UBR4: variants seen among roughly 807,000 people sequenced by gnomAD.
UBR4 encodes ubiquitin protein ligase E3 component n-recognin 4, also known as E3 ubiquitin-protein ligase UBR4.
In UBR4, 124 loss-of-function variants were observed where a neutral mutation model predicts 575.6. The ratio of observed to expected loss-of-function variants is 0.22; its 90% CI spans 0.19 to 0.25. The LOEUF is 0.25. Ranked by LOEUF, UBR4 falls within the 10% of genes least tolerant of loss-of-function variation. UBR4 has a pLI of 1.00. For missense variants in UBR4, 4,818 were observed against 6,478.8 expected (o/e 0.74, Z 8.80); for synonymous variants, 2,455 against 2,473.7 (o/e 0.99, Z 0.22).
chr1:19,185,189 T>C lies in UBR4; in HGVS notation c.1848A>G (p.Pro616=), dbSNP rs2091399382. 6.2e-7 allele frequency: 1 copy of C among 1,613,842 alleles called. No homozygotes were observed. The highest frequency in any genetic ancestry group is 1.3e-5 in the African/African-American group (1 of 74,854). The change falls in exon 15 of 106, where the codon CCA becomes CCG. Residue 616 remains proline (P), a synonymous_variant. Coordinates refer to ENST00000375254, the MANE Select transcript of UBR4 (RefSeq NM_020765.3). ...TTTTAACCCGAGGAGAGCTTTCCAG[T>C]GGAGGAGGTGGGGGAGGAGGCGGAG... is the stretch of plus-strand genomic sequence containing the variant. ...AAPPPPPPPP[P]LESSPRVKSP... is the part of the protein sequence containing the mutation.
intron 7 of UBR4, among the ~76,000 whole-genome samples, 174 bp from the exon 8 acceptor site, chr1:19,197,439 G>A (rs1037525357): frequency 2.0e-5 from 3 of 152,116 alleles, no homozygotes; most frequent in Non-Finnish European, 4.4e-5. Context: ...GACCAGCCTG[G>A]GCAACAAGGC....
At chr1:19,127,483 G>T in intron 63 of UBR4, 140 bp downstream of exon 63, 1 of 698,414 alleles carries the variant, frequency 1.4e-6, no homozygotes. Context: ...CTCTTGAAAA[G>T]GTGACAGCTT....
At chr1:19,168,000 C>T (rs774474896) in intron 28 of UBR4, 27 bp downstream of exon 28, 102 of 1,588,712 alleles carry the variant, frequency 6.4e-5, no homozygotes, top group Admixed American at 1.9e-4. Flanking sequence ...GACATAGAGT[C>T]CTTGGGGCTA....
In UBR4 at chr1:19,084,488, G is replaced by T. The variant is rs1259650629; in HGVS notation, c.15008+16C>A. 3 of 1,584,460 alleles carry T rather than the reference G, an allele frequency of 1.9e-6. No homozygotes were observed. The African/African-American group carries it at 4.0e-5, about 21-fold the overall frequency. ...TGGGTCTGCGAGATGCCGCCCCTGGGACACAGGGTACTGACGTGTTCAGGA... is the reference window on the plus strand; with the variant it reads ...TGGGTCTGCGAGATGCCGCCCCTGGTACACAGGGTACTGACGTGTTCAGGA... On this transcript the variant is annotated intron_variant, in intron 102 of 105. Transcript: ENST00000375254.
chr1:19,104,496 AAG>A, intron 86 of UBR4, 87 bp downstream of exon 86: 1 of 1,423,758 alleles, frequency 7.0e-7, no homozygotes, highest in South Asian at 1.2e-5. Context: ...TACCAGAGAG[AAG>A]AGAGTCAACC....
At chr1:19,179,601 T>A (rs1448258542) in intron 17 of UBR4, among the ~76,000 whole-genome samples, 2 of 152,200 alleles carry the variant, frequency 1.3e-5, no homozygotes, top group Admixed American at 6.5e-5. Flanking sequence ...TTTTCTTTAA[T>A]AATCAGTTAC....
chr1:19,092,962 G>C (rs2077670674), intron 96 of UBR4, 44 bp from the exon 97 acceptor site: 1 of 1,565,500 alleles, frequency 6.4e-7, no homozygotes, highest in Admixed American at 1.8e-5. Context: ...GGGAAGCAAA[G>C]GCTACCTAGA....
chr1:19,159,311 G>C (rs1425471285), intron 39 of UBR4, among the ~76,000 whole-genome samples: 2 of 152,272 alleles, frequency 1.3e-5, no homozygotes, highest in East Asian at 3.9e-4. Context: ...TGAGCAGCAG[G>C]TTTTAAAGTG....
chr1:19,115,989 G>C (rs1027598202), intron 73 of UBR4, among the ~76,000 whole-genome samples: 2 of 152,174 alleles, frequency 1.3e-5, no homozygotes, highest in Non-Finnish European at 2.9e-5. Context: ...TTCCCATCCT[G>C]ACAGCAACCT....
intron 49 of UBR4, 99 bp downstream of exon 49, chr1:19,150,478 T>G: frequency 2.0e-4 from 269 of 1,354,088 alleles, no homozygotes; most frequent in Non-Finnish European, 2.5e-4. Flanking sequence ...AGGCTAGCCT[T>G]GAGATGGTTA....
intron 71 of UBR4, chr1:19,118,652 T>G: frequency 1.7e-6 from 1 of 573,646 alleles, no homozygotes; most frequent in Non-Finnish European, 3.1e-6. Flanking sequence ...CAGACCTTTC[T>G]ACATTACTAC....
At chr1:19,204,533 A>ATATATATAT (rs200363179) in intron 1 of UBR4, among the ~76,000 whole-genome samples, 51 of 150,772 alleles carry the variant, frequency 3.4e-4, no homozygotes, top group South Asian at 1.5e-3. Context: ...TATATAAAAA[A>ATATATATAT]AAATATATAT....
chr1:19,204,230 C>T (rs775856342), intron 1 of UBR4, among the ~76,000 whole-genome samples: 1 of 152,064 alleles, frequency 6.6e-6, no homozygotes, highest in Non-Finnish European at 1.5e-5. Context: ...TCTCAAACTC[C>T]TGACCTCGTG....
Position 19,143,236 on chromosome 1 carries a change from C to CAGGAAGGAAGGA in UBR4, c.8179+732_8179+743dup, listed in dbSNP as rs1176780647. ...AAAGAAAGGAAGGAAGGAAGGAAGG[C>CAGGAAGGAAGGA]AGGAAGGAAGGAAGGAAGGAAGGAA... On this transcript the variant is annotated intron_variant, in intron 55 of 105. Transcript: ENST00000375254. Among the ~76,000 whole-genome samples, 32 of 83,066 alleles carry CAGGAAGGAAGGA rather than the reference C, an allele frequency of 3.9e-4. 2 individuals carry two copies. The highest frequency in any genetic ancestry group is 1.2e-3 in the African/African-American group (28 of 23,098). The allele number at this position is 83,066 out of a possible 152,430, so 54.5% of individuals were successfully genotyped here.
Position 19,076,916 on chromosome 1 carries a change from C to A in UBR4, c.15325-14G>T. 4 of 1,538,730 alleles carry A rather than the reference C, an allele frequency of 2.6e-6. No homozygotes were observed. Among genetic ancestry groups the A allele is most frequent in the Non-Finnish European group, 3.5e-6 (4 of 1,145,634 alleles). On this transcript the variant is annotated splice_polypyrimidine_tract_variant and intron_variant, in intron 104 of 105. Transcript: ENST00000375254. ...GGTAGGCACCTTCTACGAGAATCAA[C>A]AGGAGACAAGAGAGGTGGGTGACTT...
chr1:19,128,074 T>C, intron 62 of UBR4, 137 bp downstream of exon 62: 1 of 848,074 alleles, frequency 1.2e-6, no homozygotes, highest in Non-Finnish European at 1.9e-6. Flanking sequence ...TACGCTTTTG[T>C]TGACTCAACA....
Position 19,187,154 on chromosome 1 carries a change from TC to T in UBR4, c.1632+9del. 1 of 1,602,582 alleles carries T rather than the reference TC, an allele frequency of 6.2e-7. No individual in the cohort carries two copies. The highest frequency in any genetic ancestry group is 8.5e-7 in the Non-Finnish European group (1 of 1,173,182). On this transcript the variant is annotated intron_variant, in intron 13 of 105. Transcript: ENST00000375254. ...TCTTCTAAATTATCAATGGCTTAAC[TC>T]CCACCCACCTTTCTGTAGGAAGTTG...
chr1:19,112,568 C>A lies in UBR4; in HGVS notation c.11757G>T (p.Ala3919=). 1 of 1,613,996 alleles carries A rather than the reference C, an allele frequency of 6.2e-7. No homozygotes were observed. The highest frequency in any genetic ancestry group is 8.5e-7 in the Non-Finnish European group (1 of 1,179,918). The stretch of plus-strand genomic sequence containing the variant: ...GCTGGCGGACCTCCTCCCGCATGGC[C>A]GCAGCCCCTCGGCGAAGATTATAAT... ...LFDYNLRRGA[A]AMREEVRQLM... is the part of the protein sequence containing the mutation. The change falls in exon 78 of 106, where the codon GCG becomes GCT. Residue 3919 remains alanine, a synonymous_variant. Transcript: ENST00000375254.
chr1:19,115,575 A>G lies in UBR4; in HGVS notation c.10886T>C (p.Ile3629Thr), dbSNP rs2080421416. The change falls in exon 74 of 106, where the codon ATT becomes ACT. Residue 3629 changes from isoleucine to threonine, a missense_variant. By Grantham distance (89) the Ile-to-Thr change is moderately conservative. Coordinates refer to ENST00000375254, the MANE Select transcript of UBR4 (RefSeq NM_020765.3). ...GGCCACAATGGGCAACGGCAGGTCA[A>G]TCTTCACCTCTGTCTGTCCAGGGGT... The part of the protein sequence containing the change: ...QLTPGQTEVK[I>T]DLPLPIVASN... The G allele has an allele frequency of 6.2e-7, 1 of 1,614,184 alleles. No homozygotes were observed. Among genetic ancestry groups the G allele is most frequent in the Non-Finnish European group, 8.5e-7 (1 of 1,180,024 alleles).
Sources: gnomAD v4.1 joint callset for allele counts (sites outside exome capture counted in the v4.1 genomes callset) on GRCh38, gnomAD v4.1.1 for gene constraint, MANE v1.5 for transcripts, NCBI Gene and HGNC (gene_info 2026-07-23, HGNC 2026-07-21) for gene names.